The following TTLL1 variants were observed in gnomAD, a reference collection of about 807,000 sequenced individuals.
TTLL1 encodes the protein TTL family tubulin polyglutamylase complex subunit L1, also known as polyglutamylase complex subunit TTLL1.
A neutral mutation model predicts 47.8 loss-of-function variants in TTLL1; 33 were observed. The observed-to-expected ratio is 0.69, with a 90% CI of 0.52 to 0.92. The LOEUF (loss-of-function observed/expected upper bound fraction) is 0.92. TTLL1 is among the 40% of genes least tolerant of loss of function. The pLI is 0.00. For synonymous variants in TTLL1, 225 were observed against 214.1 expected, an observed-to-expected ratio of 1.05 and a Z score of -0.45; for missense variants, 488 against 547.5, an observed-to-expected ratio of 0.89 and a Z score of 1.08.
intron 5 of TTLL1, among the ~76,000 whole-genome samples, chr22:43,066,873 G>A (rs1202831092): frequency 6.6e-6 from 1 of 151,818 alleles, no homozygotes; most frequent in African/African-American, 2.4e-5. Flanking sequence ...TGTGATCCCA[G>A]CTACTTGGGA....
intron 8 of TTLL1, 60 bp from the exon 9 acceptor site, chr22:43,051,947 A>C: frequency 6.6e-7 from 1 of 1,517,820 alleles, no homozygotes; most frequent in Non-Finnish European, 9.1e-7. Context: ...GCCGAGACCA[A>C]CGCCACAGAG....
At chr22:43,041,532 C>CTTT (rs112180579) in intron 10 of TTLL1, among the ~76,000 whole-genome samples, 1 of 140,288 alleles carries the variant, frequency 7.1e-6, no homozygotes, top group African/African-American at 2.7e-5. Flanking sequence ...TTTCTGATTC[C>CTTT]TTTTTTTTTT....
At chr22:43,046,286 T>A (rs1026949997) in intron 10 of TTLL1, 124 bp downstream of exon 10, 34 of 1,012,616 alleles carry the variant, frequency 3.4e-5, no homozygotes, top group Non-Finnish European at 4.9e-5. Flanking sequence ...CATCATGTCA[T>A]TAGTAAATGA....
chr22:43,082,545 G>A (rs1928966299), intron 1 of TTLL1, among the ~76,000 whole-genome samples: 2 of 151,854 alleles, frequency 1.3e-5, no homozygotes, highest in South Asian at 4.1e-4. Context: ...GTGAAATACC[G>A]TCTCTACTAA....
At chr22:43,089,004 A>C (rs1208278332) in intron 1 of TTLL1, among the ~76,000 whole-genome samples, 2 of 152,206 alleles carry the variant, frequency 1.3e-5, no homozygotes, top group East Asian at 3.8e-4. Flanking sequence ...AGGAACAATG[A>C]AAGTCTGGGA....
At chr22:43,058,678 A>G (rs1016032552) in intron 8 of TTLL1, among the ~76,000 whole-genome samples, 2 of 151,808 alleles carry the variant, frequency 1.3e-5, no homozygotes, top group African/African-American at 4.8e-5. Context: ...AAGAAAGTGA[A>G]AACAGGTTTT....
chr22:43,082,206 A>G (rs1928944778), intron 1 of TTLL1, among the ~76,000 whole-genome samples: 1 of 151,568 alleles, frequency 6.6e-6, no homozygotes, highest in Admixed American at 6.6e-5. Context: ...CGTCACATTA[A>G]TAATATCTAC....
intron 8 of TTLL1, among the ~76,000 whole-genome samples, chr22:43,056,047 C>T (rs1926979149): frequency 6.6e-6 from 1 of 151,892 alleles, no homozygotes; most frequent in Non-Finnish European, 1.5e-5. Context: ...ACCTGGCCTC[C>T]ACAGAGACTG....
At chr22:43,080,323 G>A (rs955601598) in intron 1 of TTLL1, among the ~76,000 whole-genome samples, 5 of 152,036 alleles carry the variant, frequency 3.3e-5, no homozygotes, top group African/African-American at 1.2e-4. Context: ...CCAAAGTGCT[G>A]GATTTATAGG....
At chr22:43,043,895 G>A (rs928005115) in intron 10 of TTLL1, among the ~76,000 whole-genome samples, 2 of 152,000 alleles carry the variant, frequency 1.3e-5, no homozygotes, top group Non-Finnish European at 2.9e-5. Context: ...GGTGGTGGGT[G>A]ATGGCAATGA....
intron 8 of TTLL1, among the ~76,000 whole-genome samples, chr22:43,057,278 T>TAAAA (rs11343949): frequency 8.3e-5 from 11 of 132,252 alleles, no homozygotes; most frequent in Non-Finnish European, 9.6e-5. Context: ...CAAATTAAAT[T>TAAAA]AAAAAAAAAA....
intron 1 of TTLL1, among the ~76,000 whole-genome samples, chr22:43,088,406 G>T (rs1054934122): frequency 7.8e-6 from 1 of 128,484 alleles, no homozygotes. Flanking sequence ...GCGCAATCTC[G>T]GCTCACTGCA....
Position 43,069,661 on chromosome 22 carries a change from A to G in TTLL1, c.297T>C (p.Asp99=). The G allele has an allele frequency of 1.2e-6, 2 of 1,614,156 alleles. No individual in the cohort carries two copies. The highest frequency in any genetic ancestry group is 1.1e-5 in the South Asian group (1 of 91,082). ...CCAGATAGAGGTATTTTCCATTTTCATCTTTTTCTGCCAGAGGACTCCCTT... is the reference window on the plus strand; with the variant it reads ...CCAGATAGAGGTATTTTCCATTTTCGTCTTTTTCTGCCAGAGGACTCCCTT... ...EKEGSPLAEK[D]ENGKYLYLDF... Residue 99 remains aspartate (D), a synonymous_variant, in exon 4 of 11, where the codon GAT becomes GAC. Transcript: ENST00000266254.
At position 43,040,823 on chromosome 22, in the gene TTLL1, A is replaced by C. The variant is rs147000574; in HGVS notation, c.1143-918T>G. ...GCGTGTGCTAAGGAGGCAGCAGTGTAGGAAACAGCCTGAATTTTCGTGTCT... is the reference window on the plus strand; with the variant it reads ...GCGTGTGCTAAGGAGGCAGCAGTGTCGGAAACAGCCTGAATTTTCGTGTCT... On this transcript the variant is annotated intron_variant, in intron 10 of 10. Coordinates refer to ENST00000266254, the MANE Select transcript of TTLL1 (RefSeq NM_012263.5). Among the ~76,000 whole-genome samples, 120 of 152,320 alleles carry C rather than the reference A, an allele frequency of 7.9e-4. 1 individual carries two copies. Among genetic ancestry groups the C allele is most frequent in the Middle Eastern group, 3.4e-3 (1 of 294 alleles).
intron 9 of TTLL1, among the ~76,000 whole-genome samples, chr22:43,049,848 C>T (rs1468555488): frequency 6.6e-6 from 1 of 151,240 alleles, no homozygotes; most frequent in East Asian, 2.0e-4. Context: ...CATCCTAGCA[C>T]TTTGGGAGGC....
intron 2 of TTLL1, among the ~76,000 whole-genome samples, chr22:43,079,160 T>C (rs1928709950): frequency 1.0e-5 from 1 of 100,254 alleles, no homozygotes; most frequent in Admixed American, 1.0e-4. Flanking sequence ...CGTGAGCCCA[T>C]CCTACACCCC....
At position 43,054,975 on chromosome 22, in the gene TTLL1, A is replaced by C. The variant is rs867272353; in HGVS notation, c.892-3088T>G. ...TTCTGACCTTGTGATCCGCCCGCCT[A>C]GGCCTCCCAAAGTGCTGGGATTACA... On this transcript the variant is annotated intron_variant, in intron 8 of 10. Transcript: ENST00000266254. Among the ~76,000 whole-genome samples the C allele has an allele frequency of 3.6e-4, 54 of 149,010 alleles. 1 individual carries two copies. The highest frequency in any genetic ancestry group is 1.3e-3 in the African/African-American group (52 of 40,226).
At chr22:43,052,167 G>A (rs937391613) in intron 8 of TTLL1, 3 of 433,800 alleles carry the variant, frequency 6.9e-6, no homozygotes, top group Admixed American at 6.9e-5. Flanking sequence ...CCCCTCTGTT[G>A]GCGTGAGACT....
At chr22:43,074,015 G>A (rs1032352413) in intron 3 of TTLL1, among the ~76,000 whole-genome samples, 1 of 151,286 alleles carries the variant, frequency 6.6e-6, no homozygotes, top group African/African-American at 2.4e-5. Context: ...GTAGAGACAA[G>A]GTTTTGTCAT....
Sources: gnomAD v4.1 joint callset for allele counts (sites outside exome capture counted in the v4.1 genomes callset) on GRCh38, gnomAD v4.1.1 for gene constraint, MANE v1.5 for transcripts, NCBI Gene and HGNC (gene_info 2026-07-23, HGNC 2026-07-21) for gene names.